The following VPS35L variants were observed in gnomAD, a reference collection of about 807,000 sequenced individuals.
The protein encoded by VPS35L is VPS35 endosomal protein sorting factor like, also known as VPS35 endosomal protein-sorting factor-like.
A neutral mutation model predicts 133.0 loss-of-function variants in VPS35L; 83 were observed. The observed-to-expected ratio is 0.62, with a 90% CI of 0.52 to 0.75. The LOEUF (loss-of-function observed/expected upper bound fraction) is 0.75, where lower values mean the gene tolerates loss of function less well. Ranked by LOEUF, VPS35L falls within the 30% of genes least tolerant of loss-of-function variation. VPS35L has a pLI of 0.00. For synonymous variants in VPS35L, 423 were observed against 449.9 expected, an observed-to-expected ratio of 0.94 and a Z score of 0.76; for missense variants, 1,083 against 1,206.8, an observed-to-expected ratio of 0.90 and a Z score of 1.52.
chr16:19,669,071 T>C, intron 26 of VPS35L, 89 bp from the exon 27 acceptor site: 1 of 1,409,812 alleles, frequency 7.1e-7, no homozygotes, highest in Non-Finnish European at 9.6e-7. Flanking sequence ...TACCTAACTC[T>C]CAGGACTGGC....
Position 19,669,479 on chromosome 16 carries a change from A to G in VPS35L, c.2361+180A>G, listed in dbSNP as rs1974805359. 2.6e-5 allele frequency among the ~76,000 whole-genome samples: 4 copies of G among 152,024 alleles called. No homozygotes were observed. The South Asian group carries it at 8.3e-4, about 31-fold the overall frequency. On this transcript the variant is annotated intron_variant, in intron 27 of 30. Coordinates refer to ENST00000417362, the MANE Select transcript of VPS35L (RefSeq NM_020314.7). ...ATTCTTGCTGGGTGGGGATCATACTATAATAGTAGAGGTGAGGTACTATGT... is the reference window on the plus strand; with the variant it reads ...ATTCTTGCTGGGTGGGGATCATACTGTAATAGTAGAGGTGAGGTACTATGT...
chr16:19,652,699 A>G (rs1018756953), intron 26 of VPS35L: 1 of 152,298 alleles, frequency 6.6e-6, no homozygotes, highest in Non-Finnish European at 1.5e-5. Flanking sequence ...ACACCTGGAG[A>G]AAGTGAGACA....
At position 19,682,157 on chromosome 16, in the gene VPS35L, G is replaced by A. The variant is rs1975302614; in HGVS notation, c.2362-68G>A. 7 of 1,551,670 alleles carry A rather than the reference G, an allele frequency of 4.5e-6. No homozygotes were observed. In the South Asian group the frequency reaches 7.0e-5, roughly 15 times the overall value. On this transcript the variant is annotated intron_variant, in intron 27 of 30. Transcript: ENST00000417362. ...GCTGCGGGAGGATCTGGGCTTCTGT[G>A]TTGATTTTCTTTTTCCCTCCCTGCT...
chr16:19,635,629 T>G (rs921052943), intron 19 of VPS35L, among the ~76,000 whole-genome samples: 10 of 152,176 alleles, frequency 6.6e-5, no homozygotes, highest in African/African-American at 2.4e-4. Context: ...GTGTTAACTT[T>G]CCCAATTTGA....
At chr16:19,673,653 T>C (rs1419314681) in intron 27 of VPS35L, among the ~76,000 whole-genome samples, 1 of 152,218 alleles carries the variant, frequency 6.6e-6, no homozygotes. Context: ...GTGTTTTAGC[T>C]GGGGTTTAGT....
At chr16:19,561,793 T>C (rs750172282) in intron 1 of VPS35L, among the ~76,000 whole-genome samples, 1 of 152,068 alleles carries the variant, frequency 6.6e-6, no homozygotes, top group Non-Finnish European at 1.5e-5. Context: ...AAATGAGAAG[T>C]GCACATGTCT....
chr16:19,678,481 A>ATTT (rs776896300), intron 27 of VPS35L, among the ~76,000 whole-genome samples: 1 of 141,780 alleles, frequency 7.1e-6, no homozygotes, highest in Non-Finnish European at 1.5e-5. Context: ...CCATCTGTAC[A>ATTT]TTTTTTTTTT....
At chr16:19,677,844 G>GTTC (rs1975118602) in intron 27 of VPS35L, among the ~76,000 whole-genome samples, 2 of 152,124 alleles carry the variant, frequency 1.3e-5, no homozygotes, top group African/African-American at 4.8e-5. Context: ...GCTCACCTGT[G>GTTC]TTCTGGTTCC....
intron 9 of VPS35L, among the ~76,000 whole-genome samples, chr16:19,602,965 A>G (rs1464107224): frequency 6.7e-6 from 1 of 148,766 alleles, no homozygotes; most frequent in African/African-American, 2.5e-5. Flanking sequence ...GGGTCTCCCT[A>G]TGTTGCCCAA....
intron 26 of VPS35L, among the ~76,000 whole-genome samples, chr16:19,660,447 G>C (rs529719143): frequency 2.0e-5 from 3 of 152,288 alleles, no homozygotes; most frequent in Non-Finnish European, 2.9e-5. Flanking sequence ...TTGATGGATT[G>C]ATGGATTGAA....
intron 12 of VPS35L, among the ~76,000 whole-genome samples, chr16:19,615,691 G>A (rs965270980): frequency 6.6e-6 from 1 of 151,006 alleles, no homozygotes; most frequent in African/African-American, 2.4e-5. Flanking sequence ...AAAATAGGCC[G>A]GGCGCTGTGG....
chr16:19,632,400 T>C (rs1306986021), intron 18 of VPS35L, among the ~76,000 whole-genome samples: 1 of 152,212 alleles, frequency 6.6e-6, no homozygotes, highest in East Asian at 1.9e-4. Flanking sequence ...TAGGATACTT[T>C]TGATGTATAA....
chr16:19,573,335 C>T, intron 4 of VPS35L, 94 bp downstream of exon 4: 1 of 1,338,694 alleles, frequency 7.5e-7, no homozygotes, highest in Non-Finnish European at 1.0e-6. Flanking sequence ...CTGTAAGTTT[C>T]ACTTATTTAT....
intron 24 of VPS35L, among the ~76,000 whole-genome samples, chr16:19,649,847 G>A (rs1019601703): frequency 1.7e-4 from 26 of 152,188 alleles, no homozygotes; most frequent in African/African-American, 6.3e-4. Flanking sequence ...AATCAGGGGA[G>A]GTAATAGTAT....
rs187280222 is a variant in VPS35L at position 19,641,226 on chromosome 16, G to A, written c.1784+1126G>A. Among the ~76,000 whole-genome samples, 1,088 of 151,738 alleles carry A rather than the reference G, an allele frequency of 7.2e-3. 47 individuals are homozygous for A. Among genetic ancestry groups the A allele is most frequent in the Admixed American group, 0.061 (932 of 15,226 alleles). On this transcript the variant is annotated intron_variant, in intron 21 of 30. Coordinates refer to ENST00000417362, the MANE Select transcript of VPS35L (RefSeq NM_020314.7). ...ATTATATGCACCCACCTCCACGTCC[G>A]GCTAATTTTTTTGTATTTTTTATAG...
intron 20 of VPS35L, among the ~76,000 whole-genome samples, chr16:19,638,564 A>G (rs1473549412): frequency 6.6e-6 from 1 of 152,256 alleles, no homozygotes; most frequent in Non-Finnish European, 1.5e-5. Context: ...GAACAGTTAT[A>G]ACAATATGCC....
At chr16:19,622,613 T>A (rs1276021690) in intron 14 of VPS35L, among the ~76,000 whole-genome samples, 1 of 152,144 alleles carries the variant, frequency 6.6e-6, no homozygotes, top group Non-Finnish European at 1.5e-5. Flanking sequence ...AAAACCATGT[T>A]GTTATTCAAG....
Position 19,700,674 on chromosome 16 carries a change from C to T in VPS35L, c.*198C>T, listed in dbSNP as rs994760252. Reference sequence around the variant, plus strand: ...TGGGAGTTGTCAGAGCATTAAAATGCAATCTTCACTAAGAAGCAGTCTCTG... The same window carrying T: ...TGGGAGTTGTCAGAGCATTAAAATGTAATCTTCACTAAGAAGCAGTCTCTG... On this transcript the variant is annotated 3_prime_UTR_variant, in exon 31 of 31. Transcript: ENST00000417362. 3 of 560,250 alleles carry T rather than the reference C, an allele frequency of 5.4e-6. No individual in the cohort carries two copies. Among genetic ancestry groups the T allele is most frequent in the Non-Finnish European group, 9.5e-6 (3 of 315,402 alleles). 34.7% of individuals were successfully genotyped at this position (560,250 alleles called of 1,614,324 possible). A position where few individuals can be genotyped will look rare whatever the true frequency, so the allele number is the denominator to read the frequency against.
chr16:19,570,841 A>G (rs1407260908), intron 3 of VPS35L, among the ~76,000 whole-genome samples: 1 of 3,920 alleles, frequency 2.6e-4, no homozygotes, highest in Non-Finnish European at 3.5e-4. Flanking sequence ...TTTCATATAT[A>G]TATATATATA....
Sources: allele counts gnomAD v4.1 joint callset (sites outside exome capture counted in the v4.1 genomes callset), GRCh38; gene constraint gnomAD v4.1.1; transcripts MANE v1.5; gene names NCBI Gene and HGNC (gene_info 2026-07-23, HGNC 2026-07-21).